Variants in GMPR observed in about 807,000 individuals in gnomAD.
The protein encoded by GMPR is GMP reductase 1.
GMPR carries 31 observed loss-of-function variants against 38.4 expected under a neutral mutation model. The observed-to-expected ratio is 0.81, with a 90% confidence interval of 0.61 to 1.09. The LOEUF (loss-of-function observed/expected upper bound fraction) is 1.09, where lower values mean the gene tolerates loss of function less well. GMPR is among the 50% of genes least tolerant of loss of function. The probability of loss-of-function intolerance (pLI) is 0.00; values close to 1 mark genes in which losing one functional copy is unlikely to be tolerated. For synonymous variants in GMPR, 162 were observed against 173.3 expected, an observed-to-expected ratio of 0.93 and a Z score of 0.51; for missense variants, 468 against 453.7, an observed-to-expected ratio of 1.03 and a Z score of -0.29.
chr6:16,271,207 C>T (rs1759378072), intron 4 of GMPR, among the ~76,000 whole-genome samples: 2 of 152,018 alleles, frequency 1.3e-5, no homozygotes, highest in South Asian at 2.1e-4. Context: ...AAATTGTGGC[C>T]GGGCGCAGTG....
chr6:16,286,639 G>C (rs901795008), intron 7 of GMPR, among the ~76,000 whole-genome samples: 1 of 151,812 alleles, frequency 6.6e-6, no homozygotes, highest in Non-Finnish European at 1.5e-5. Context: ...GGCTGGGTGC[G>C]GTGGCTCACA....
At chr6:16,293,022 C>G (rs1258764985) in intron 8 of GMPR, among the ~76,000 whole-genome samples, 3 of 152,072 alleles carry the variant, frequency 2.0e-5, no homozygotes, top group Non-Finnish European at 4.4e-5. Flanking sequence ...CTGAGTCTCT[C>G]TCTCTCTCTC....
At chr6:16,245,512 A>C (rs1447036199) in intron 1 of GMPR, among the ~76,000 whole-genome samples, 1 of 152,218 alleles carries the variant, frequency 6.6e-6, no homozygotes, top group Non-Finnish European at 1.5e-5. Context: ...AGCCAGGGTT[A>C]ATGTAGGTCT....
At chr6:16,261,591 T>G (rs1759087020) in intron 4 of GMPR, among the ~76,000 whole-genome samples, 1 of 152,024 alleles carries the variant, frequency 6.6e-6, no homozygotes, top group Admixed American at 6.6e-5. Flanking sequence ...GCGCAGATCC[T>G]GAACTAACTT....
intron 7 of GMPR, among the ~76,000 whole-genome samples, chr6:16,288,224 C>T (rs1457602364): frequency 6.6e-6 from 1 of 152,254 alleles, no homozygotes; most frequent in Non-Finnish European, 1.5e-5. Flanking sequence ...AGGCCGGAGC[C>T]GGCTCCCTCA....
intron 1 of GMPR, among the ~76,000 whole-genome samples, chr6:16,246,576 A>G (rs1758759154): frequency 6.6e-6 from 1 of 152,122 alleles, no homozygotes; most frequent in African/African-American, 2.4e-5. Context: ...GATAACATGT[A>G]TGTGGGTCTT....
At position 16,262,211 on chromosome 6, in the gene GMPR, C is replaced by T. The variant is rs921057981; in HGVS notation, c.465+7476C>T. On this transcript the variant is annotated intron_variant, in intron 4 of 8. Transcript: ENST00000259727. ...TGAGAGTTACGCGAAGCTCGGCATC[C>T]GTGATGGTCTTGTAGGGGGCTTCCG... is the stretch of plus-strand genomic sequence containing the variant. 2.6e-5 allele frequency: 4 copies of T among 151,756 alleles called. No homozygotes were observed. In the East Asian group the frequency reaches 7.7e-4, roughly 29 times the overall value. 9.4% of individuals were successfully genotyped at this position (151,756 alleles called of 1,614,324 possible).
intron 4 of GMPR, among the ~76,000 whole-genome samples, chr6:16,273,500 T>G (rs1005918624): frequency 3.3e-5 from 5 of 152,200 alleles, no homozygotes; most frequent in African/African-American, 1.2e-4. Flanking sequence ...GGTTGATAGA[T>G]TCTGCCACTT....
chr6:16,287,705 C>A (rs1277046135), intron 7 of GMPR, among the ~76,000 whole-genome samples: 1 of 152,192 alleles, frequency 6.6e-6, no homozygotes, highest in East Asian at 1.9e-4. Flanking sequence ...TTATCCTCTG[C>A]CTCCTTAAAA....
chr6:16,294,810 G>A (rs1444681531), intron 8 of GMPR, among the ~76,000 whole-genome samples, 196 bp from the exon 9 acceptor site: 1 of 152,182 alleles, frequency 6.6e-6, no homozygotes, highest in African/African-American at 2.4e-5. Flanking sequence ...CTTTGGGCGG[G>A]AGGAATGTGT....
At chr6:16,254,501 G>T in intron 3 of GMPR, 61 bp from the exon 4 acceptor site, 1 of 1,414,540 alleles carries the variant, frequency 7.1e-7, no homozygotes, top group Non-Finnish European at 1.0e-6. Flanking sequence ...ATAAATGGGG[G>T]CAGGGTCTGA....
intron 6 of GMPR, among the ~76,000 whole-genome samples, chr6:16,284,095 C>T (rs536347961): frequency 2.6e-5 from 4 of 152,304 alleles, no homozygotes; most frequent in Non-Finnish European, 5.9e-5. Flanking sequence ...TTCCTCAGTG[C>T]TCTGTGGCCC....
intron 1 of GMPR, among the ~76,000 whole-genome samples, chr6:16,240,201 C>G (rs1035086877): frequency 6.6e-6 from 1 of 152,176 alleles, no homozygotes; most frequent in Non-Finnish European, 1.5e-5. Context: ...TACCTATTTT[C>G]TGAACCAGAA....
At chr6:16,258,554 A>C (rs1359667607) in intron 4 of GMPR, among the ~76,000 whole-genome samples, 1 of 152,244 alleles carries the variant, frequency 6.6e-6, no homozygotes, top group African/African-American at 2.4e-5. Context: ...ACCAACAGCG[A>C]GGCCCTCTCC....
At chr6:16,274,820 C>T (rs1024866902) in intron 5 of GMPR, among the ~76,000 whole-genome samples, 1 of 151,902 alleles carries the variant, frequency 6.6e-6, no homozygotes, top group South Asian at 2.1e-4. Context: ...CAGAGGAAGG[C>T]GATAGGTGAA....
chr6:16,269,035 T>C (rs1459846953), intron 4 of GMPR, among the ~76,000 whole-genome samples: 1 of 151,974 alleles, frequency 6.6e-6, no homozygotes, highest in African/African-American at 2.4e-5. Flanking sequence ...CTGTTTTCTA[T>C]GTGTAAAATT....
rs1211083765 is a variant in GMPR at position 16,238,784 on chromosome 6, G to A, written c.87+4G>A. The A allele has an allele frequency of 6.2e-6, 9 of 1,442,890 alleles. No individual in the cohort carries two copies. Among genetic ancestry groups the A allele is most frequent in the African/African-American group, 2.9e-5 (2 of 69,360 alleles). The allele number at this position is 1,442,890 out of a possible 1,614,324, so 89.4% of individuals were successfully genotyped here. On this transcript the variant is annotated splice_donor_region_variant and intron_variant, in intron 1 of 8. Transcript: ENST00000259727. ...CAGCCTCAAGAGCCGAGCCGAGGTGGGGGACGTTCGGAAGTCGCAGTGGGG... is the reference window on the plus strand; with the variant it reads ...CAGCCTCAAGAGCCGAGCCGAGGTGAGGGACGTTCGGAAGTCGCAGTGGGG...
chr6:16,262,575 G>T (rs575716349), intron 4 of GMPR: 2 of 152,144 alleles, frequency 1.3e-5, no homozygotes, highest in South Asian at 4.1e-4. Flanking sequence ...GCAAGGAATT[G>T]CAACTTTTCT....
chr6:16,278,682 T>C, intron 5 of GMPR, 102 bp from the exon 6 acceptor site: 1 of 804,180 alleles, frequency 1.2e-6, no homozygotes, highest in Non-Finnish European at 2.2e-6. Flanking sequence ...AGGTTCACCC[T>C]GGTCCCTAAA....
Sources: allele counts gnomAD v4.1 joint callset (sites outside exome capture counted in the v4.1 genomes callset), GRCh38; gene constraint gnomAD v4.1.1; transcripts MANE v1.5; gene names NCBI Gene and HGNC (gene_info 2026-07-23, HGNC 2026-07-21).